ADAMTS17: variants seen among roughly 807,000 people sequenced by gnomAD.
ADAMTS17 encodes A disintegrin and metalloproteinase with thrombospondin motifs 17.
In ADAMTS17, 113 loss-of-function variants were observed where a neutral mutation model predicts 141.5. That is an observed-to-expected ratio of 0.80 (90% CI 0.69 to 0.93). The LOEUF (loss-of-function observed/expected upper bound fraction) is 0.93, where lower values mean the gene tolerates loss of function less well. Among genes scored for constraint, ADAMTS17 ranks in the 40% least tolerant of loss-of-function variants. The probability of loss-of-function intolerance (pLI) is 0.00; values close to 1 mark genes in which losing one functional copy is unlikely to be tolerated. For synonymous variants in ADAMTS17, 768 were observed against 630.6 expected (o/e 1.22, Z -3.27); for missense variants, 1,659 against 1,517.9 (o/e 1.09, Z -1.54).
intron 15 of ADAMTS17, among the ~76,000 whole-genome samples, chr15:100,068,147 G>A (rs1032062551): frequency 2.6e-5 from 4 of 152,100 alleles, no homozygotes; most frequent in Non-Finnish European, 4.4e-5. Context: ...ACGGAGCCTC[G>A]CTCATTGCTA....
chr15:100,168,575 C>G (rs558149620), intron 8 of ADAMTS17: 1 of 152,386 alleles, frequency 6.6e-6, no homozygotes, highest in South Asian at 2.1e-4. Context: ...AACAGTCAAC[C>G]CTCCAGGTGT....
At chr15:99,975,164 G>C (rs891246912) in intron 21 of ADAMTS17, among the ~76,000 whole-genome samples, 1 of 152,216 alleles carries the variant, frequency 6.6e-6, no homozygotes, top group African/African-American at 2.4e-5. Context: ...ATATTTCTCA[G>C]GGACTTGTAT....
intron 15 of ADAMTS17, among the ~76,000 whole-genome samples, chr15:100,064,526 C>T (rs2033376432): frequency 6.6e-6 from 1 of 152,158 alleles, no homozygotes; most frequent in Non-Finnish European, 1.5e-5. Context: ...TTGAACTTTC[C>T]CTGAACATCC....
intron 3 of ADAMTS17, among the ~76,000 whole-genome samples, chr15:100,292,090 G>A (rs560404886): frequency 4.7e-5 from 7 of 149,626 alleles, no homozygotes; most frequent in South Asian, 2.1e-4. Flanking sequence ...GGGGAGTCAT[G>A]AGAGACGCTC....
chr15:100,191,227 G>C (rs2040905122), intron 8 of ADAMTS17, among the ~76,000 whole-genome samples: 1 of 152,210 alleles, frequency 6.6e-6, no homozygotes, highest in Non-Finnish European at 1.5e-5. Context: ...AGGATTCCTG[G>C]GGCAGAGACA....
chr15:100,207,529 A>C (rs1344881386), intron 7 of ADAMTS17, among the ~76,000 whole-genome samples: 3 of 152,182 alleles, frequency 2.0e-5, no homozygotes, highest in African/African-American at 7.2e-5. Context: ...GCAGCCACCT[A>C]ATGCGCCATG....
chr15:100,108,997 T>C lies in ADAMTS17; in HGVS notation c.2008A>G (p.Lys670Glu). 6.2e-7 allele frequency: 1 copy of C among 1,614,044 alleles called. No individual in the cohort carries two copies. Among genetic ancestry groups the C allele is most frequent in the Non-Finnish European group, 8.5e-7 (1 of 1,180,022 alleles). The change falls in exon 14 of 22, where the codon AAG becomes GAG. Residue 670 changes from lysine (K) to glutamate (E), a missense_variant. By Grantham distance (56) the Lys-to-Glu change is moderately conservative (BLOSUM62 1). Transcript: ENST00000268070. ...PYETDLCVHG[K>E]CQKIGCDGII... ...AAGGAGAAGTACGTCACCTGGCACT[T>C]GCCGTGCACGCAGAGATCAGTCTCG... is the stretch of plus-strand genomic sequence containing the variant.
intron 18 of ADAMTS17, among the ~76,000 whole-genome samples, chr15:100,036,391 C>T (rs531710820): frequency 6.6e-6 from 1 of 152,206 alleles, no homozygotes; most frequent in Non-Finnish European, 1.5e-5. Flanking sequence ...AGCCACTAAA[C>T]AAGGTCCACT....
intron 15 of ADAMTS17, among the ~76,000 whole-genome samples, chr15:100,094,534 C>G (rs1416882089): frequency 6.6e-6 from 1 of 152,126 alleles, no homozygotes; most frequent in Non-Finnish European, 1.5e-5. Flanking sequence ...AAGTGAGATC[C>G]TATGTTAGTT....
At chr15:100,332,865 C>T (rs767066494) in intron 2 of ADAMTS17, among the ~76,000 whole-genome samples, 1 of 152,202 alleles carries the variant, frequency 6.6e-6, no homozygotes, top group Non-Finnish European at 1.5e-5. Context: ...TCTTGGGCCC[C>T]GACCTCGAAC....
intron 18 of ADAMTS17, among the ~76,000 whole-genome samples, chr15:100,042,974 GTGTGTA>G (rs1192634766): frequency 6.6e-6 from 1 of 152,206 alleles, no homozygotes; most frequent in Admixed American, 6.5e-5. Context: ...ACATTTACAT[GTGTGTA>G]TGTATATATG....
At chr15:100,103,256 G>C (rs542338633) in intron 14 of ADAMTS17, among the ~76,000 whole-genome samples, 1 of 152,340 alleles carries the variant, frequency 6.6e-6, no homozygotes, top group South Asian at 2.1e-4. Context: ...ACACACGTTA[G>C]AGATGCCAGC....
rs1438207868 is a variant in ADAMTS17 at position 100,120,352 on chromosome 15, T to C, written c.1722-3339A>G. Among the ~76,000 whole-genome samples, 7 of 152,230 alleles carry C rather than the reference T, an allele frequency of 4.6e-5. No homozygotes were observed. The East Asian group carries it at 1.2e-3, about 25-fold the overall frequency. ...CCTTCACCCACAAGGCAGGCAGCTATGTCTGTGCTCCTGTTGCAACTTTCT... is the reference window on the plus strand; with the variant it reads ...CCTTCACCCACAAGGCAGGCAGCTACGTCTGTGCTCCTGTTGCAACTTTCT... On this transcript the variant is annotated intron_variant, in intron 12 of 21. Transcript: ENST00000268070.
intron 4 of ADAMTS17, among the ~76,000 whole-genome samples, chr15:100,279,647 G>T (rs1375946864): frequency 6.6e-6 from 1 of 152,184 alleles, no homozygotes; most frequent in Non-Finnish European, 1.5e-5. Flanking sequence ...GACTGAAAGA[G>T]GTTCTTCTGT....
chr15:100,303,089 C>T (rs1002816997), intron 3 of ADAMTS17, among the ~76,000 whole-genome samples: 10 of 146,026 alleles, frequency 6.8e-5, no homozygotes, highest in African/African-American at 2.5e-4. Flanking sequence ...TAATAAACTT[C>T]CCTTTATATA....
chr15:100,171,710 T>G (rs1384258679), intron 8 of ADAMTS17, among the ~76,000 whole-genome samples: 1 of 152,124 alleles, frequency 6.6e-6, no homozygotes, highest in Non-Finnish European at 1.5e-5. Flanking sequence ...GGACTGGTCA[T>G]GTTTCTCTAC....
chr15:99,977,772 C>T (rs868862276), intron 20 of ADAMTS17, among the ~76,000 whole-genome samples: 1 of 151,994 alleles, frequency 6.6e-6, no homozygotes, highest in Admixed American at 6.6e-5. Context: ...TATCTGAGTC[C>T]TCTACTCAGA....
chr15:100,004,146 C>T (rs1001675366), intron 18 of ADAMTS17, among the ~76,000 whole-genome samples: 5 of 152,218 alleles, frequency 3.3e-5, no homozygotes, highest in African/African-American at 4.8e-5. Flanking sequence ...GAGAGCAGAG[C>T]GCTGTGCCCG....
intron 4 of ADAMTS17, among the ~76,000 whole-genome samples, chr15:100,263,990 T>C (rs1050502977): frequency 2.0e-5 from 3 of 152,220 alleles, no homozygotes; most frequent in African/African-American, 7.2e-5. Flanking sequence ...TTTGAGCATC[T>C]CCGTGACAAA....
Sources: gnomAD v4.1 joint callset for allele counts (sites outside exome capture counted in the v4.1 genomes callset) on GRCh38, gnomAD v4.1.1 for gene constraint, MANE v1.5 for transcripts, NCBI Gene and HGNC (gene_info 2026-07-23, HGNC 2026-07-21) for gene names.